The following ADCY3 variants were observed in gnomAD, a reference collection of about 807,000 sequenced individuals.
ADCY3 encodes the protein adenylate cyclase 3, also known as adenylate cyclase type 3.
Under a neutral mutation model 119.4 loss-of-function variants are expected in ADCY3, and 70 were observed. The observed-to-expected ratio is 0.59, with a 90% CI of 0.48 to 0.72. The LOEUF (loss-of-function observed/expected upper bound fraction) is 0.72. ADCY3 is among the 30% of genes least tolerant of loss of function. The pLI, the probability that ADCY3 is intolerant of heterozygous loss-of-function variation, is 0.00. For synonymous variants in ADCY3, 672 were observed against 621.4 expected, an observed-to-expected ratio of 1.08 and a Z score of -1.21; for missense variants, 1,238 against 1,541.6, an observed-to-expected ratio of 0.80 and a Z score of 3.30.
intron 2 of ADCY3, among the ~76,000 whole-genome samples, chr2:24,915,816 C>T (rs1462200634): frequency 6.6e-6 from 1 of 152,238 alleles, no homozygotes; most frequent in Non-Finnish European, 1.5e-5. Context: ...TCTGGGATTA[C>T]AGGCATGAGC....
chr2:24,830,657 C>G, intron 13 of ADCY3, 52 bp downstream of exon 13: 1 of 1,442,318 alleles, frequency 6.9e-7, no homozygotes, highest in Non-Finnish European at 9.7e-7. Flanking sequence ...AACAGAAGCC[C>G]TTCTCCACTG....
intron 2 of ADCY3, among the ~76,000 whole-genome samples, chr2:24,885,006 A>T (rs759019714): frequency 6.6e-6 from 1 of 152,130 alleles, no homozygotes; most frequent in Non-Finnish European, 1.5e-5. Context: ...TCTTGTCCTG[A>T]GAGACTCTGG....
chr2:24,820,540 G>T lies in ADCY3; in HGVS notation c.3252+184C>A, dbSNP rs987051211. The T allele has an allele frequency of 2.2e-5, 31 of 1,403,494 alleles. No homozygotes were observed. In the African/African-American group the frequency reaches 3.9e-4, roughly 18 times the overall value. 86.9% of individuals were successfully genotyped at this position (1,403,494 alleles called of 1,614,324 possible). A position where few individuals can be genotyped will look rare whatever the true frequency, so the allele number is the denominator to read the frequency against. On this transcript the variant is annotated intron_variant, in intron 21 of 21. Coordinates refer to ENST00000679454, the MANE Select transcript of ADCY3 (RefSeq NM_004036.5). ...TTCAGCCCAGATTTTGTGGATGGGTGGAAGTGTTTCTTCCTGTGCTGAGGC... is the reference window on the plus strand; with the variant it reads ...TTCAGCCCAGATTTTGTGGATGGGTTGAAGTGTTTCTTCCTGTGCTGAGGC...
intron 2 of ADCY3, among the ~76,000 whole-genome samples, chr2:24,881,653 C>T (rs866935297): frequency 2.0e-5 from 3 of 152,184 alleles, no homozygotes; most frequent in Non-Finnish European, 4.4e-5. Flanking sequence ...ACATAGCAAA[C>T]GTGAGCTGTG....
chr2:24,856,006 G>A (rs1369201224), intron 3 of ADCY3, among the ~76,000 whole-genome samples: 4 of 152,212 alleles, frequency 2.6e-5, no homozygotes, highest in African/African-American at 7.2e-5. Context: ...TTACAGCTGA[G>A]GCTCTGATGA....
chr2:24,837,042 G>A lies in ADCY3; in HGVS notation c.1537C>T (p.Leu513=). 6.2e-7 allele frequency: 1 copy of A among 1,613,906 alleles called. No individual in the cohort carries two copies. The highest frequency in any genetic ancestry group is 8.5e-7 in the Non-Finnish European group (1 of 1,179,910). Residue 513 remains leucine, a synonymous_variant, in exon 9 of 22, where the codon CTG becomes TTG. Coordinates refer to ENST00000679454, the MANE Select transcript of ADCY3 (RefSeq NM_004036.5). The part of the protein sequence containing the change: ...ATQNGLNGSA[L]PNGAPASSKS... ...GAGGAAGCTGGTGCTCCATTGGGCA[G>A]GGCCTAGAGGAAAGGAGAGCTCAGC...
At position 24,825,302 on chromosome 2, in the gene ADCY3, C is replaced by CT. The variant is rs532096855; in HGVS notation, c.2577+742dup. 3.4e-4 allele frequency among the ~76,000 whole-genome samples: 48 copies of CT among 140,684 alleles called. No individual in the cohort carries two copies. The East Asian group carries it at 9.2e-3, about 27-fold the overall frequency. 92.3% of individuals were successfully genotyped at this position (140,684 alleles called of 152,430 possible). A position where few individuals can be genotyped will look rare whatever the true frequency, so the allele number is the denominator to read the frequency against. ...TCTTCCCTCTCTTCCTTCTCTTTTC[C>CT]TTTTTTGTCCGGTTGAGTGCGGTGG... On this transcript the variant is annotated intron_variant, in intron 16 of 21. Transcript: ENST00000679454.
intron 11 of ADCY3, chr2:24,832,151 G>T (rs991304761): frequency 9.3e-6 from 2 of 215,084 alleles, no homozygotes; most frequent in Admixed American, 1.0e-4. Flanking sequence ...CGGTGCCAGG[G>T]AATTGCTGCT....
At chr2:24,837,137 G>T in intron 8 of ADCY3, 92 bp from the exon 9 acceptor site, 2 of 1,405,152 alleles carry the variant, frequency 1.4e-6, no homozygotes, top group Non-Finnish European at 1.9e-6. Flanking sequence ...GAGGCGGTGG[G>T]ATTAGAGAGC....
chr2:24,904,499 C>T (rs1250801845), intron 2 of ADCY3, among the ~76,000 whole-genome samples: 2 of 151,394 alleles, frequency 1.3e-5, no homozygotes, highest in Non-Finnish European at 2.9e-5. Flanking sequence ...CCAGCCTGAG[C>T]GACAGAGTGA....
intron 13 of ADCY3, among the ~76,000 whole-genome samples, chr2:24,829,619 CA>C (rs369762924): frequency 0.013 from 1,945 of 151,504 alleles, 16 homozygotes; most frequent in South Asian, 0.018. Flanking sequence ...GACGGGGTTT[CA>C]ACTGTGTTAG....
intron 3 of ADCY3, among the ~76,000 whole-genome samples, chr2:24,855,383 TGA>T (rs1266688402): frequency 2.0e-5 from 3 of 152,152 alleles, no homozygotes; most frequent in Non-Finnish European, 2.9e-5. Context: ...TGTGCTGCCC[TGA>T]GAGGTGGTGA....
intron 3 of ADCY3, among the ~76,000 whole-genome samples, chr2:24,843,690 A>T (rs923820344): frequency 5.3e-5 from 8 of 151,916 alleles, no homozygotes; most frequent in Admixed American, 5.2e-4. Flanking sequence ...GAAGAGCGGC[A>T]GATATGAGGG....
intron 2 of ADCY3, among the ~76,000 whole-genome samples, chr2:24,874,381 CCTGT>C (rs1011614304): frequency 2.0e-5 from 3 of 152,182 alleles, no homozygotes; most frequent in Non-Finnish European, 4.4e-5. Context: ...ACAACCCACC[CCTGT>C]CTGAGTGGTC....
chr2:24,858,158 T>C (rs1012089809), intron 3 of ADCY3, among the ~76,000 whole-genome samples: 2 of 148,248 alleles, frequency 1.3e-5, no homozygotes, highest in Non-Finnish European at 1.5e-5. Flanking sequence ...ACCACCACCA[T>C]GCCTGGATTT....
Position 24,834,953 on chromosome 2 carries a change from C to T in ADCY3, c.1663-17G>A. ...GTTGTCGGCCTGTGAGCCAGGGAGG[C>T]AGCGTGAGTGGGGCAGATGGGACAG... On this transcript the variant is annotated splice_polypyrimidine_tract_variant and intron_variant, in intron 9 of 21. Coordinates refer to ENST00000679454, the MANE Select transcript of ADCY3 (RefSeq NM_004036.5). The surrounding 1 kb of genome is among the most constrained non-coding windows in gnomAD (Gnocchi z 4.2). 6.2e-7 allele frequency: 1 copy of T among 1,611,088 alleles called. No homozygotes were observed. Among genetic ancestry groups the T allele is most frequent in the Non-Finnish European group, 8.5e-7 (1 of 1,179,164 alleles).
chr2:24,845,150 C>T (rs759148847), intron 3 of ADCY3, among the ~76,000 whole-genome samples: 3 of 152,164 alleles, frequency 2.0e-5, no homozygotes, highest in Admixed American at 6.5e-5. Flanking sequence ...TTATCAGCAG[C>T]GTGAAAACGG....
At chr2:24,875,039 G>A (rs1347418103) in intron 2 of ADCY3, among the ~76,000 whole-genome samples, 1 of 152,140 alleles carries the variant, frequency 6.6e-6, no homozygotes, top group Non-Finnish European at 1.5e-5. Flanking sequence ...AGGGGGTAAT[G>A]ACAGTAACTC....
At chr2:24,823,690 CTTTT>C (rs11308691) in intron 17 of ADCY3, among the ~76,000 whole-genome samples, 2 of 132,610 alleles carry the variant, frequency 1.5e-5, no homozygotes, top group Admixed American at 7.7e-5. Context: ...CTCATCGCTA[CTTTT>C]TTTTTTTTTT....
Sources: gnomAD v4.1 joint callset for allele counts (sites outside exome capture counted in the v4.1 genomes callset) on GRCh38, gnomAD v4.1.1 for gene constraint, Gnocchi (gnomAD v3.1) non-coding constraint, MANE v1.5 for transcripts, NCBI Gene and HGNC (gene_info 2026-07-23, HGNC 2026-07-21) for gene names.